METTL4: variants seen among roughly 807,000 people sequenced by gnomAD.
The protein encoded by METTL4 is methyltransferase 4, N6-adenosine.
METTL4 carries 40 observed loss-of-function variants against 54.0 expected under a neutral mutation model. The ratio of observed to expected loss-of-function variants is 0.74; its 90% confidence interval spans 0.58 to 0.96. The LOEUF is 0.96. METTL4 is among the 50% of genes least tolerant of loss of function. METTL4 has a pLI of 0.00. For missense variants in METTL4, 525 were observed against 549.0 expected, an observed-to-expected ratio of 0.96 and a Z score of 0.44; for synonymous variants, 169 against 183.8, an observed-to-expected ratio of 0.92 and a Z score of 0.65.
chr18:2,568,901 A>G, intron 1 of METTL4: 1 of 228,396 alleles, frequency 4.4e-6, no homozygotes, highest in South Asian at 7.6e-5. Context: ...TTAAAATAGA[A>G]TGTGGACCTA....
rs991035631 is a variant in METTL4, at chr18:2,555,167, T to C, written c.460-129A>G. 2.4e-5 allele frequency: 24 copies of C among 982,728 alleles called. No individual in the cohort carries two copies. In the African/African-American group the frequency reaches 2.8e-4, roughly 11 times the overall value. The allele number at this position is 982,728 out of a possible 1,614,324, so 60.9% of individuals were successfully genotyped here. A position where few individuals can be genotyped will look rare whatever the true frequency, so the allele number is the denominator to read the frequency against. Reference sequence around the variant, plus strand: ...CACTTACAGTAAAATAATTCTGTACTACAATGAAAAGAATGTGTGAGCACG... The same window carrying C: ...CACTTACAGTAAAATAATTCTGTACCACAATGAAAAGAATGTGTGAGCACG... On this transcript the variant is annotated intron_variant, in intron 3 of 8. Transcript: ENST00000574538.
At position 2,567,244 on chromosome 18, in the gene METTL4, A is replaced by G; in HGVS notation, c.-28T>C. On this transcript the variant is annotated 5_prime_UTR_variant, in exon 2 of 9. Coordinates refer to ENST00000574538, the MANE Select transcript of METTL4 (RefSeq NM_022840.5). ...CCTTCCTTTAAAAAAGCCTCTGGGA[A>G]TTAGGAACTAGAATGAAAATCCAAC... 6.5e-7 allele frequency: 1 copy of G among 1,533,344 alleles called. No individual in the cohort carries two copies. Among genetic ancestry groups the G allele is most frequent in the Non-Finnish European group, 8.7e-7 (1 of 1,144,054 alleles). The allele number at this position is 1,533,344 out of a possible 1,614,324, so 95.0% of individuals were successfully genotyped here.
chr18:2,559,485 T>A (rs1163849683), intron 3 of METTL4, among the ~76,000 whole-genome samples: 1 of 152,118 alleles, frequency 6.6e-6, no homozygotes, highest in Non-Finnish European at 1.5e-5. Flanking sequence ...TAGTTTCAGT[T>A]TGGATGTGGT....
chr18:2,564,284 G>A (rs1243784336), intron 2 of METTL4, among the ~76,000 whole-genome samples: 5 of 151,392 alleles, frequency 3.3e-5, no homozygotes, highest in African/African-American at 7.3e-5. Flanking sequence ...GGTGGCAGGC[G>A]CCTGTAGTCC....
chr18:2,548,310 G>C (rs2072102481), intron 5 of METTL4, among the ~76,000 whole-genome samples: 2 of 152,032 alleles, frequency 1.3e-5, no homozygotes, highest in Non-Finnish European at 2.9e-5. Context: ...TGGAAGGGGA[G>C]AAGTCATTAT....
At chr18:2,565,319 G>A (rs1374432376) in intron 2 of METTL4, among the ~76,000 whole-genome samples, 7 of 151,990 alleles carry the variant, frequency 4.6e-5, no homozygotes, top group African/African-American at 1.7e-4. Context: ...ACACAGAGGG[G>A]AGCAACAGAT....
chr18:2,551,961 G>A (rs914903970), intron 5 of METTL4, among the ~76,000 whole-genome samples: 5 of 152,248 alleles, frequency 3.3e-5, no homozygotes, highest in East Asian at 3.9e-4. Flanking sequence ...TTGGGAGGCC[G>A]AGGCAGACAG....
Position 2,544,196 on chromosome 18 carries a change from A to G in METTL4, c.1272T>C (p.Ala424=), listed in dbSNP as rs772995264. 1.3e-6 allele frequency: 2 copies of G among 1,598,010 alleles called. No individual in the cohort carries two copies. The highest frequency in any genetic ancestry group is 1.7e-6 in the Non-Finnish European group (2 of 1,173,794). ...CAATTCTATTTTATAAAAACATACC[A>G]GCAAGCGGTGGCTTATGTGAGTGAA... ...CTLHSHKPPL[A]EVLKDYIKPD... is the part of the protein sequence containing the mutation. Residue 424 remains alanine, a splice_region_variant and synonymous_variant, in exon 8 of 9, where the codon GCT becomes GCC. Coordinates refer to ENST00000574538, the MANE Select transcript of METTL4 (RefSeq NM_022840.5).
chr18:2,571,445 T>TG lies in METTL4; in HGVS notation c.-736dup, dbSNP rs1247483273. 3 of 152,206 alleles carry TG rather than the reference T, an allele frequency of 2.0e-5. No homozygotes were observed. Among genetic ancestry groups the TG allele is most frequent in the African/African-American group, 4.8e-5 (2 of 41,464 alleles). The allele number at this position is 152,206 out of a possible 1,614,324, so 9.4% of individuals were successfully genotyped here. A position where few individuals can be genotyped will look rare whatever the true frequency, so the allele number is the denominator to read the frequency against. On this transcript the variant is annotated 5_prime_UTR_variant, in exon 1 of 9. An upstream open reading frame in the 5' UTR loses its in-frame stop. Coordinates refer to ENST00000574538, the MANE Select transcript of METTL4 (RefSeq NM_022840.5). ...ACACTGGCCCACAGACCCCAGTTCC[T>TG]GGGGTGACGCAGCTGGGCGCGACCA... is the stretch of plus-strand genomic sequence containing the variant.
In METTL4 at chr18:2,554,787, A is replaced by G. The variant is rs2072213095; in HGVS notation, c.711T>C (p.Val237=). 1 of 1,613,834 alleles carries G rather than the reference A, an allele frequency of 6.2e-7. No individual in the cohort carries two copies. Among genetic ancestry groups the G allele is most frequent in the African/African-American group, 1.3e-5 (1 of 74,920 alleles). The change falls in exon 4 of 9, where the codon GTT becomes GTC. Residue 237 remains valine (V), a synonymous_variant. Transcript: ENST00000574538. ...TTGTAAAGCTAGAGTTGTTTTCAAC[A>G]ACTCGCAAAAATAAATCCTGTTCTG... ...SVTEQDLFLR[V]VENNSSFTKV... is the part of the protein sequence containing the mutation.
Position 2,547,475 on chromosome 18 carries a change from A to T in METTL4, c.954T>A (p.Ala318=), listed in dbSNP as rs765851880. 6.2e-7 allele frequency: 1 copy of T among 1,611,372 alleles called. No homozygotes were observed. The highest frequency in any genetic ancestry group is 8.5e-7 in the Non-Finnish European group (1 of 1,178,764). ...QIQQIPIPKL[A]APNCLLVTWV... is the part of the protein sequence containing the mutation. ...AAGTAACAAGAAGACAGTTTGGAGC[A>T]GCCAATTTAGGGATAGGTATTTGCT... The change falls in exon 6 of 9, where the codon GCT becomes GCA. Residue 318 remains alanine (A), a synonymous_variant. Transcript: ENST00000574538.
At chr18:2,562,255 C>A (rs1762519839) in intron 3 of METTL4, 2 of 152,392 alleles carry the variant, frequency 1.3e-5, no homozygotes, top group African/African-American at 4.8e-5. Context: ...TGCCTGTAGT[C>A]CCATCTACTC....
At chr18:2,546,174 T>G (rs985963574) in intron 6 of METTL4, among the ~76,000 whole-genome samples, 1 of 152,048 alleles carries the variant, frequency 6.6e-6, no homozygotes. Context: ...TAGGTATAAA[T>G]AAACAATATA....
At chr18:2,551,283 AACTTAC>A in intron 5 of METTL4, among the ~76,000 whole-genome samples, 1 of 152,094 alleles carries the variant, frequency 6.6e-6, no homozygotes, top group African/African-American at 2.4e-5. Flanking sequence ...ATTCAAGGCT[AACTTAC>A]CCTTTCTCTT....
In METTL4 at chr18:2,547,350, C is replaced by T; in HGVS notation, c.1074+5G>A. ...ATTAACAAATAAGCTAACTTCTGAA[C>T]TTACTTTTACCCAGTGCCACTCAGC... On this transcript the variant is annotated splice_donor_5th_base_variant and intron_variant, in intron 6 of 8. Transcript: ENST00000574538. 6.5e-7 allele frequency: 1 copy of T among 1,549,204 alleles called. No homozygotes were observed. Among genetic ancestry groups the T allele is most frequent in the South Asian group, 1.2e-5 (1 of 81,212 alleles).
intron 8 of METTL4, among the ~76,000 whole-genome samples, chr18:2,542,761 G>C (rs2072011954): frequency 6.6e-6 from 1 of 152,084 alleles, no homozygotes; most frequent in African/African-American, 2.4e-5. Context: ...TATTCACTGA[G>C]AATCCTTCTT....
intron 5 of METTL4, among the ~76,000 whole-genome samples, chr18:2,548,904 T>G (rs565397739): frequency 3.3e-5 from 5 of 152,342 alleles, no homozygotes; most frequent in South Asian, 2.1e-4. Flanking sequence ...CTTGTTTGTA[T>G]AGGGAAAATC....
intron 8 of METTL4, chr18:2,539,938 G>C (rs1416626559): frequency 5.2e-6 from 5 of 968,170 alleles, no homozygotes; most frequent in Non-Finnish European, 6.1e-6. Context: ...TAGAAATACT[G>C]AGAACAAATA....
chr18:2,546,590 T>C (rs1022366710), intron 6 of METTL4, among the ~76,000 whole-genome samples: 5 of 152,142 alleles, frequency 3.3e-5, no homozygotes, highest in Non-Finnish European at 1.5e-5. Flanking sequence ...AAAATGAGTA[T>C]GCTTGCAATA....
Sources: allele counts gnomAD v4.1 joint callset (sites outside exome capture counted in the v4.1 genomes callset), GRCh38; gene constraint gnomAD v4.1.1; transcripts MANE v1.5; gene names NCBI Gene and HGNC (gene_info 2026-07-23, HGNC 2026-07-21).